SLC24A2: variants seen among roughly 807,000 people sequenced by gnomAD.
SLC24A2 encodes solute carrier family 24 member 2, also known as sodium/potassium/calcium exchanger 2.
SLC24A2 carries 36 observed loss-of-function variants against 62.0 expected under a neutral mutation model. That is an observed-to-expected ratio of 0.58 (90% CI 0.44 to 0.77). The LOEUF (loss-of-function observed/expected upper bound fraction) is 0.77, where lower values mean the gene tolerates loss of function less well. Ranked by LOEUF, SLC24A2 falls within the 30% of genes least tolerant of loss-of-function variation. The pLI is 0.00. For synonymous variants in SLC24A2, 358 were observed against 294.0 expected (o/e 1.22, Z -2.23); for missense variants, 846 against 817.9 (o/e 1.03, Z -0.42).
At chr9:20,127,138 T>C in the SLC24A2 span, among the ~76,000 whole-genome samples, 1 of 152,080 alleles carries the variant, frequency 6.6e-6, no homozygotes, top group Non-Finnish European at 1.5e-5. Context: ...CATTTTCTGT[T>C]GTATCCAGAC....
the SLC24A2 span, among the ~76,000 whole-genome samples, chr9:20,292,781 G>T: frequency 9.0e-3 from 1,367 of 152,184 alleles, 5 homozygotes; most frequent in Admixed American, 0.015. Flanking sequence ...GTAGAGATGG[G>T]GTCTCCCCAC....
At chr9:19,528,622 TCAG>T (rs1563934683) in intron 8 of SLC24A2, among the ~76,000 whole-genome samples, 1 of 152,098 alleles carries the variant, frequency 6.6e-6, no homozygotes, top group African/African-American at 2.4e-5. Flanking sequence ...ATGGGAAGGA[TCAG>T]CAGGTTTAAA....
At chr9:19,682,047 G>A (rs896241551) in intron 2 of SLC24A2, among the ~76,000 whole-genome samples, 6 of 152,234 alleles carry the variant, frequency 3.9e-5, no homozygotes, top group African/African-American at 9.6e-5. Flanking sequence ...TTGATTTTAC[G>A]TTGACATTTC....
At chr9:19,686,774 A>G (rs55980938) in intron 2 of SLC24A2, among the ~76,000 whole-genome samples, 5,647 of 152,156 alleles carry the variant, frequency 0.037, 381 homozygotes, top group African/African-American at 0.13. Context: ...TTTCTTTATA[A>G]ATTACCCAGC....
At chr9:19,797,321 G>A in the SLC24A2 span, among the ~76,000 whole-genome samples, 1 of 152,176 alleles carries the variant, frequency 6.6e-6, no homozygotes. Context: ...AGCTTATTGT[G>A]TATTTTCTTC....
the SLC24A2 span, among the ~76,000 whole-genome samples, chr9:19,905,260 T>C: frequency 6.6e-6 from 1 of 152,140 alleles, no homozygotes; most frequent in South Asian, 2.1e-4. Context: ...TGAGGGCCCA[T>C]TAGGCATAAC....
chr9:19,614,130 G>A (rs62563275), intron 4 of SLC24A2, among the ~76,000 whole-genome samples: 6,044 of 152,228 alleles, frequency 0.04, 128 homozygotes, highest in East Asian at 0.11. Context: ...ATGTACCCCT[G>A]AGCAAATATA....
chr9:19,623,407 G>A (rs895335256), intron 2 of SLC24A2, among the ~76,000 whole-genome samples: 3 of 152,134 alleles, frequency 2.0e-5, no homozygotes, highest in African/African-American at 7.2e-5. Context: ...ACCTTCATGT[G>A]CTCTAGGCTT....
At chr9:19,747,630 C>T (rs1230435040) in intron 2 of SLC24A2, among the ~76,000 whole-genome samples, 1 of 152,210 alleles carries the variant, frequency 6.6e-6, no homozygotes, top group East Asian at 1.9e-4. Context: ...GGAAATTCTT[C>T]TTGTCTTACC....
chr9:20,195,699 C>G, the SLC24A2 span, among the ~76,000 whole-genome samples: 1 of 152,052 alleles, frequency 6.6e-6, no homozygotes, highest in Non-Finnish European at 1.5e-5. Flanking sequence ...TCACAGTTTC[C>G]TGATGAACTG....
At chr9:20,195,949 CA>C in the SLC24A2 span, among the ~76,000 whole-genome samples, 11 of 151,734 alleles carry the variant, frequency 7.2e-5, no homozygotes, top group Non-Finnish European at 1.3e-4. Flanking sequence ...TAAAAATGGG[CA>C]AAAAACATGA....
At chr9:19,525,003 GCAAA>G (rs1316939538) in intron 9 of SLC24A2, among the ~76,000 whole-genome samples, 19 of 152,090 alleles carry the variant, frequency 1.2e-4, no homozygotes, top group African/African-American at 4.3e-4. Flanking sequence ...GTTATAAATG[GCAAA>G]CAGTCCTTTC....
chr9:20,152,816 G>A, the SLC24A2 span, among the ~76,000 whole-genome samples: 5 of 151,840 alleles, frequency 3.3e-5, no homozygotes, highest in East Asian at 1.9e-4. Flanking sequence ...TGGATTGGGT[G>A]TAAAATGGGG....
At position 19,567,679 on chromosome 9, in the gene SLC24A2, T is replaced by G. The variant is rs916605444; in HGVS notation, c.1347+5672A>C. On this transcript the variant is annotated intron_variant, in intron 7 of 10. Coordinates refer to ENST00000341998, the MANE Select transcript of SLC24A2 (RefSeq NM_020344.4). ...CATACTAAGTAAATGCTAGTAAATT[T>G]TTAAAATAACCAAAAAAAAAAAAAA... Among the ~76,000 whole-genome samples the G allele has an allele frequency of 1.1e-4, 15 of 130,834 alleles. No individual in the cohort carries two copies. The East Asian group carries it at 3.4e-3, about 29-fold the overall frequency. The allele number at this position is 130,834 out of a possible 152,430, so 85.8% of individuals were successfully genotyped here. A position where few individuals can be genotyped will look rare whatever the true frequency, so the allele number is the denominator to read the frequency against.
At chr9:20,019,119 AAG>A in the SLC24A2 span, among the ~76,000 whole-genome samples, 2 of 56,994 alleles carry the variant, frequency 3.5e-5, no homozygotes. Context: ...GAAAGAAAGA[AAG>A]AAAGAAAGAA....
At chr9:19,871,082 C>T in the SLC24A2 span, among the ~76,000 whole-genome samples, 1 of 151,856 alleles carries the variant, frequency 6.6e-6, no homozygotes, top group Admixed American at 6.6e-5. Context: ...CAGAAAGACA[C>T]CTGTGTTTTT....
At chr9:19,546,632 T>C (rs1004863926) in intron 8 of SLC24A2, among the ~76,000 whole-genome samples, 6 of 151,866 alleles carry the variant, frequency 4.0e-5, no homozygotes, top group Non-Finnish European at 7.4e-5. Context: ...TCCGTGGGGG[T>C]TGGACCCACC....
the SLC24A2 span, among the ~76,000 whole-genome samples, chr9:19,854,392 T>G: frequency 1.3e-4 from 20 of 152,154 alleles, no homozygotes; most frequent in African/African-American, 3.4e-4. Context: ...TGTTAGGATG[T>G]CAATTTGAGA....
chr9:19,610,898 G>C (rs1837140567), intron 4 of SLC24A2, among the ~76,000 whole-genome samples: 1 of 152,230 alleles, frequency 6.6e-6, no homozygotes, highest in Non-Finnish European at 1.5e-5. Context: ...GCCCACTTGT[G>C]CCAGACACTA....
Sources: allele counts gnomAD v4.1 joint callset (sites outside exome capture counted in the v4.1 genomes callset), GRCh38; gene constraint gnomAD v4.1.1; transcripts MANE v1.5; gene names NCBI Gene and HGNC (gene_info 2026-07-23, HGNC 2026-07-21).